The following PM20D2 variants were observed in gnomAD, a reference collection of about 807,000 sequenced individuals.
PM20D2 encodes peptidase M20 domain containing 2.
A neutral mutation model predicts 42.9 loss-of-function variants in PM20D2; 33 were observed. The observed-to-expected ratio is 0.77, with a 90% CI of 0.58 to 1.03. PM20D2 has a LOEUF of 1.03. Among genes scored for constraint, PM20D2 ranks in the 50% least tolerant of loss-of-function variants. The pLI, the probability that PM20D2 is intolerant of heterozygous loss-of-function variation, is 0.00. For synonymous variants in PM20D2, 250 were observed against 228.2 expected (o/e 1.10, Z -0.86); for missense variants, 548 against 557.0 (o/e 0.98, Z 0.16).
chr6:89,105,257 G>A, the PM20D2 span: 14 of 1,606,488 alleles, frequency 8.7e-6, no homozygotes, highest in Non-Finnish European at 1.2e-5. Flanking sequence ...CATTTGGCCT[G>A]GTGCTGGAAC....
the PM20D2 span, among the ~76,000 whole-genome samples, chr6:89,103,729 G>A: frequency 3.3e-5 from 5 of 151,820 alleles, no homozygotes; most frequent in African/African-American, 9.7e-5. Context: ...CAAAGTGCTG[G>A]GATTACAGGC....
the PM20D2 span, among the ~76,000 whole-genome samples, chr6:89,121,228 T>C: frequency 2.0e-5 from 3 of 152,170 alleles, no homozygotes; most frequent in Admixed American, 2.0e-4. Context: ...TGATATAAAA[T>C]AAGTTGTGGA....
the PM20D2 span, among the ~76,000 whole-genome samples, chr6:89,125,330 A>C: frequency 2.0e-5 from 3 of 152,130 alleles, no homozygotes; most frequent in Admixed American, 6.5e-5. Flanking sequence ...AATACAAAAA[A>C]TTAGCTGGGT....
At chr6:89,101,169 C>CTT in the PM20D2 span, among the ~76,000 whole-genome samples, 1 of 149,642 alleles carries the variant, frequency 6.7e-6, no homozygotes, top group East Asian at 1.9e-4. Context: ...AAACATCCTA[C>CTT]CGAAATACAG....
chr6:89,144,369 T>G (rs1314951914), upstream of PM20D2, among the ~76,000 whole-genome samples: 1 of 152,208 alleles, frequency 6.6e-6, no homozygotes, highest in Non-Finnish European at 1.5e-5. Context: ...CAGGCAGAGT[T>G]GCTGCAGTAA....
chr6:89,108,936 TATTTC>T, the PM20D2 span, among the ~76,000 whole-genome samples: 2 of 152,266 alleles, frequency 1.3e-5, no homozygotes, highest in African/African-American at 2.4e-5. Context: ...TGACATACTT[TATTTC>T]ATTTAACACT....
At chr6:89,149,913 T>C (rs997058672) in intron 2 of PM20D2, among the ~76,000 whole-genome samples, 1 of 152,202 alleles carries the variant, frequency 6.6e-6, no homozygotes, top group African/African-American at 2.4e-5. Context: ...GCTTTTCCGA[T>C]TTGTCTGGTG....
chr6:89,130,894 A>G, the PM20D2 span, among the ~76,000 whole-genome samples: 1 of 121,902 alleles, frequency 8.2e-6, no homozygotes, highest in Non-Finnish European at 1.6e-5. Flanking sequence ...TTGGAGTGCA[A>G]TGGCATGATC....
At chr6:89,126,191 T>G in the PM20D2 span, among the ~76,000 whole-genome samples, 1 of 151,526 alleles carries the variant, frequency 6.6e-6, no homozygotes, top group African/African-American at 2.4e-5. Context: ...GCCCAGAAGT[T>G]GGAGACCAAC....
chr6:89,162,067 C>T, intron 6 of PM20D2, 42 bp from the exon 7 acceptor site: 1 of 1,587,556 alleles, frequency 6.3e-7, no homozygotes, highest in African/African-American at 1.4e-5. Context: ...TTAAATACAG[C>T]TTAAATAAGT....
Position 89,149,391 on chromosome 6 carries a change from C to T in PM20D2, c.592C>T (p.Leu198=). The T allele has an allele frequency of 6.2e-7, 1 of 1,614,022 alleles. No homozygotes were observed. Among genetic ancestry groups the T allele is most frequent in the Admixed American group, 1.7e-5 (1 of 60,018 alleles). The change falls in exon 2 of 7, where the codon CTA becomes TTA. Residue 198 remains leucine, a synonymous_variant. Transcript: ENST00000275072. The part of the protein sequence containing the change: ...AHPSQENAAY[L]PDMAEHDVTV... ...CCCATCACAAGAGAATGCTGCTTAT[C>T]TACCAGATATGGCTGAACATGAGTG...
At chr6:89,151,948 G>A (rs1268265344) in intron 2 of PM20D2, among the ~76,000 whole-genome samples, 1 of 151,972 alleles carries the variant, frequency 6.6e-6, no homozygotes, top group Non-Finnish European at 1.5e-5. Context: ...AAATTAACTG[G>A]GCATGGAGCA....
chr6:89,109,245 TATG>T, the PM20D2 span, among the ~76,000 whole-genome samples: 21 of 152,208 alleles, frequency 1.4e-4, no homozygotes, highest in African/African-American at 5.1e-4. Flanking sequence ...GAGGCCCAGT[TATG>T]TTTAATTTTT....
the PM20D2 span, among the ~76,000 whole-genome samples, chr6:89,095,036 GCA>G: frequency 2.6e-5 from 4 of 152,030 alleles, no homozygotes; most frequent in African/African-American, 7.2e-5. Flanking sequence ...TTCGAGAAAT[GCA>G]CACACAGTAG....
the PM20D2 span, among the ~76,000 whole-genome samples, chr6:89,112,620 C>T: frequency 1.3e-5 from 2 of 151,822 alleles, no homozygotes; most frequent in Non-Finnish European, 2.9e-5. Context: ...CTATGTTGCC[C>T]AGGCTGGCCT....
At chr6:89,148,131 C>CCACG (rs1473139099) in intron 1 of PM20D2, among the ~76,000 whole-genome samples, 23 of 151,846 alleles carry the variant, frequency 1.5e-4, no homozygotes, top group Non-Finnish European at 2.5e-4. Flanking sequence ...GTGTGTGCCA[C>CCACG]CACGCCCAGC....
At chr6:89,146,760 C>T (rs1770587000) in intron 1 of PM20D2, 151 bp downstream of exon 1, 3 of 618,388 alleles carry the variant, frequency 4.9e-6, no homozygotes, top group African/African-American at 1.9e-5. Flanking sequence ...CGGTCCTCGC[C>T]TCGGCGCAGG....
At chr6:89,115,197 A>C in the PM20D2 span, among the ~76,000 whole-genome samples, 1 of 151,814 alleles carries the variant, frequency 6.6e-6, no homozygotes, top group Non-Finnish European at 1.5e-5. Context: ...TCCCGGGCTC[A>C]AGTGACCTCC....
At chr6:89,126,178 T>C in the PM20D2 span, among the ~76,000 whole-genome samples, 1 of 151,616 alleles carries the variant, frequency 6.6e-6, no homozygotes. Context: ...GAGGATGGCT[T>C]GAGCCCAGAA....
Sources: allele counts gnomAD v4.1 joint callset (sites outside exome capture counted in the v4.1 genomes callset), GRCh38; gene constraint gnomAD v4.1.1; transcripts MANE v1.5; gene names NCBI Gene and HGNC (gene_info 2026-07-23, HGNC 2026-07-21).